Variants in MEDAG observed in about 807,000 individuals in gnomAD.
MEDAG encodes the protein mesenteric estrogen dependent adipogenesis, also known as mesenteric estrogen-dependent adipogenesis protein.
In MEDAG, 25 loss-of-function variants were observed where a neutral mutation model predicts 29.9. The ratio of observed to expected loss-of-function variants is 0.84; its 90% CI spans 0.61 to 1.17. MEDAG has a LOEUF of 1.17. Among genes scored for constraint, MEDAG ranks in the 50% most tolerant of loss-of-function variants. MEDAG has a pLI of 0.00. For synonymous variants in MEDAG, 158 were observed against 148.2 expected, an observed-to-expected ratio of 1.07 and a Z score of -0.48; for missense variants, 398 against 372.9, an observed-to-expected ratio of 1.07 and a Z score of -0.56.
chr13:30,913,263 T>C (rs1382391511), intron 1 of MEDAG, among the ~76,000 whole-genome samples: 1 of 152,224 alleles, frequency 6.6e-6, no homozygotes, highest in Non-Finnish European at 1.5e-5. Flanking sequence ...TCACCCAGGC[T>C]GGAGTGCAGT....
At chr13:30,907,062 G>A (rs189196493) in intron 1 of MEDAG, among the ~76,000 whole-genome samples, 3 of 152,332 alleles carry the variant, frequency 2.0e-5, no homozygotes, top group East Asian at 3.9e-4. Context: ...GGGAGGGCAG[G>A]GGCCCCCCAG....
At position 30,924,747 on chromosome 13, in the gene MEDAG, C is replaced by A. The variant is rs1255619025; in HGVS notation, c.*312C>A. ...AAAGAGGCAGAAGGGCCACAGAGTT[C>A]TGCCACCCTGAACATTTTTCTCAGT... On this transcript the variant is annotated 3_prime_UTR_variant, in exon 5 of 5. Coordinates refer to ENST00000380482, the MANE Select transcript of MEDAG (RefSeq NM_032849.4). 2.8e-4 allele frequency: 58 copies of A among 204,854 alleles called. 1 individual carries two copies. The Admixed American group carries it at 3.4e-3, about 12-fold the overall frequency. 12.7% of individuals were successfully genotyped at this position (204,854 alleles called of 1,614,324 possible). A position where few individuals can be genotyped will look rare whatever the true frequency, so the allele number is the denominator to read the frequency against.
chr13:30,915,679 C>T (rs959678143), intron 1 of MEDAG, among the ~76,000 whole-genome samples: 2 of 137,148 alleles, frequency 1.5e-5, no homozygotes, highest in Admixed American at 6.8e-5. Flanking sequence ...TCCTGAGGTT[C>T]CCCCATCTCA....
chr13:30,912,506 AACACAC>A, intron 1 of MEDAG, among the ~76,000 whole-genome samples: 1 of 150,676 alleles, frequency 6.6e-6, no homozygotes, highest in East Asian at 2.0e-4. Context: ...TTTTTTAATG[AACACAC>A]ACACACACAC....
At chr13:30,922,127 G>T (rs142513556) in intron 4 of MEDAG, 36 of 240,590 alleles carry the variant, frequency 1.5e-4, no homozygotes, top group African/African-American at 7.8e-4. Context: ...GAGTATTGAT[G>T]ATCATTTAAA....
At chr13:30,915,531 T>G (rs1952919241) in intron 1 of MEDAG, among the ~76,000 whole-genome samples, 1 of 152,156 alleles carries the variant, frequency 6.6e-6, no homozygotes, top group Non-Finnish European at 1.5e-5. Context: ...GCCCAGCAAA[T>G]GGTGGTTTTC....
At chr13:30,907,119 C>T (rs1952838725) in intron 1 of MEDAG, among the ~76,000 whole-genome samples, 2 of 152,328 alleles carry the variant, frequency 1.3e-5, no homozygotes, top group African/African-American at 4.8e-5. Context: ...GGCTCCTTAA[C>T]TGGGTCAGAT....
Position 30,921,730 on chromosome 13 carries a change from T to G in MEDAG, c.671T>G (p.Leu224Trp), listed in dbSNP as rs943025022. Residue 224 changes from leucine (L) to tryptophan (W), a missense_variant, in exon 4 of 5, where the codon TTG becomes TGG. Physicochemically the swap from Leu to Trp is moderately conservative, Grantham distance 61. Coordinates refer to ENST00000380482, the MANE Select transcript of MEDAG (RefSeq NM_032849.4). ...VVKVNGKVLN[L>W]SSTSPEKKET... The stretch of plus-strand genomic sequence containing the variant: ...AAAGTAAATGGAAAAGTTCTGAATT[T>G]GTCAAGTACAAGTCCAGAAAAGAAG... 1 of 1,613,996 alleles carries G rather than the reference T, an allele frequency of 6.2e-7. No homozygotes were observed. Among genetic ancestry groups the G allele is most frequent in the Admixed American group, 1.7e-5 (1 of 59,994 alleles).
At chr13:30,923,618 A>G (rs1192546228) in intron 4 of MEDAG, among the ~76,000 whole-genome samples, 1 of 152,128 alleles carries the variant, frequency 6.6e-6, no homozygotes, top group Non-Finnish European at 1.5e-5. Flanking sequence ...GGGATGATTA[A>G]CTGGCCCCTT....
chr13:30,917,256 C>G (rs968413471), intron 1 of MEDAG, 147 bp from the exon 2 acceptor site: 2 of 654,216 alleles, frequency 3.1e-6, no homozygotes, highest in Non-Finnish European at 2.7e-6. Context: ...CAGAAAGATT[C>G]GTTTATATGG....
At chr13:30,909,964 GACC>G (rs1364470991) in intron 1 of MEDAG, among the ~76,000 whole-genome samples, 15 of 152,274 alleles carry the variant, frequency 9.9e-5, no homozygotes, top group Middle Eastern at 3.4e-3. Flanking sequence ...GTTTAGTGAT[GACC>G]ACCAGCTCTA....
chr13:30,913,054 G>A (rs1322349555), intron 1 of MEDAG, among the ~76,000 whole-genome samples: 1 of 152,252 alleles, frequency 6.6e-6, no homozygotes, highest in African/African-American at 2.4e-5. Flanking sequence ...GTGAACAGGT[G>A]CAGACAGGTT....
intron 2 of MEDAG, among the ~76,000 whole-genome samples, chr13:30,919,093 A>C (rs7995961): frequency 0.31 from 46,461 of 151,920 alleles, 7,435 homozygotes; most frequent in African/African-American, 0.41. Context: ...TCGAACAACT[A>C]TCATGGAAGG....
chr13:30,917,862 T>G (rs1169741567), intron 2 of MEDAG, among the ~76,000 whole-genome samples: 3 of 152,192 alleles, frequency 2.0e-5, no homozygotes, highest in Non-Finnish European at 4.4e-5. Context: ...GAATTACAGT[T>G]TGACATGAGA....
chr13:30,918,008 G>T (rs1443361846), intron 2 of MEDAG, among the ~76,000 whole-genome samples: 1 of 152,154 alleles, frequency 6.6e-6, no homozygotes, highest in Non-Finnish European at 1.5e-5. Flanking sequence ...AGACAGCAAG[G>T]AGCCTGGTGG....
chr13:30,906,315 T>G lies in MEDAG; in HGVS notation c.-201T>G. 2.3e-6 allele frequency: 1 copy of G among 438,520 alleles called. No individual in the cohort carries two copies. The allele number at this position is 438,520 out of a possible 1,614,324, so 27.2% of individuals were successfully genotyped here. A position where few individuals can be genotyped will look rare whatever the true frequency, so the allele number is the denominator to read the frequency against. On this transcript the variant is annotated 5_prime_UTR_variant, in exon 1 of 5. Transcript: ENST00000380482. ...TGCAGGGCTCCCAGCGAGTGGCAGC[T>G]TGGGAGGGGCCGCCCGGGCGGTCAG...
At chr13:30,912,592 T>C (rs900418662) in intron 1 of MEDAG, among the ~76,000 whole-genome samples, 2 of 152,122 alleles carry the variant, frequency 1.3e-5, no homozygotes, top group African/African-American at 4.8e-5. Context: ...GAGCAGAAAT[T>C]GTTAGAGCCA....
rs749327526 is a variant in MEDAG, at chr13:30,906,681, G to A, written c.166G>A (p.Val56Met). Residue 56 changes from valine (V) to methionine (M), a missense_variant, in exon 1 of 5, where the codon GTG (valine) becomes ATG (methionine). By Grantham distance (21) the Val-to-Met change is conservative (BLOSUM62 1). Transcript: ENST00000380482. The stretch of plus-strand genomic sequence containing the variant: ...CTTCCAGCTGAGCGGCGACCAGCTC[G>A]TGGTGGCCAGGCCCGGGGAGCCGGC... ...GAFQLSGDQL[V>M]VARPGEPAAA... 4 of 1,548,662 alleles carry A rather than the reference G, an allele frequency of 2.6e-6. No individual in the cohort carries two copies. In the South Asian group the frequency reaches 4.7e-5, roughly 18 times the overall value.
At chr13:30,910,725 C>T (rs1214981703) in intron 1 of MEDAG, among the ~76,000 whole-genome samples, 1 of 152,204 alleles carries the variant, frequency 6.6e-6, no homozygotes, top group African/African-American at 2.4e-5. Context: ...GGATGGGTGA[C>T]AGTCACACCT....
Sources: allele counts gnomAD v4.1 joint callset (sites outside exome capture counted in the v4.1 genomes callset), GRCh38; gene constraint gnomAD v4.1.1; transcripts MANE v1.5; gene names NCBI Gene and HGNC (gene_info 2026-07-23, HGNC 2026-07-21).